ARHGEF1: variants seen among roughly 807,000 people sequenced by gnomAD.
The protein encoded by ARHGEF1 is Rho guanine nucleotide exchange factor 1, also known as 115 kDa guanine nucleotide exchange factor.
A neutral mutation model predicts 119.7 loss-of-function variants in ARHGEF1; 40 were observed. That is an observed-to-expected ratio of 0.33 (90% CI 0.26 to 0.44). The LOEUF is 0.44. Among genes scored for constraint, ARHGEF1 ranks in the 20% least tolerant of loss-of-function variants. The probability of loss-of-function intolerance (pLI) is 1.00; values close to 1 mark genes in which losing one functional copy is unlikely to be tolerated. For missense variants in ARHGEF1, 976 were observed against 1,268.3 expected, an observed-to-expected ratio of 0.77 and a Z score of 3.50; for synonymous variants, 494 against 521.0, an observed-to-expected ratio of 0.95 and a Z score of 0.71.
At chr19:41,910,482 T>TCTC (rs2074745596), downstream of ARHGEF1, among the ~76,000 whole-genome samples, 1 of 151,536 alleles carries the variant, frequency 6.6e-6, no homozygotes, top group African/African-American at 2.4e-5. The surrounding 1 kb of genome is among the most constrained non-coding windows in gnomAD (Gnocchi z 4.4). Context: ...CCCTAGGAGG[T>TCTC]CTCTAGTCTC....
intron 11 of ARHGEF1, 133 bp from the exon 12 acceptor site, chr19:41,895,216 T>C (rs1437694187): frequency 1.6e-6 from 2 of 1,236,426 alleles, no homozygotes; most frequent in East Asian, 4.8e-5. Flanking sequence ...TGAGGGCTCC[T>C]GGGTCTGAGG....
chr19:41,902,144 C>T lies in ARHGEF1; in HGVS notation c.1414+111C>T. The T allele has an allele frequency of 1.3e-6, 2 of 1,554,752 alleles. No homozygotes were observed. The highest frequency in any genetic ancestry group is 1.8e-6 in the Non-Finnish European group (2 of 1,139,846). Reference sequence around the variant, plus strand: ...CCCCAGGGTTCACATGGGGTGGGGGCAGATACGCCATCCGGTCCCGAGGAT... The same window carrying T: ...CCCCAGGGTTCACATGGGGTGGGGGTAGATACGCCATCCGGTCCCGAGGAT... On this transcript the variant is annotated intron_variant, in intron 15 of 28. Transcript: ENST00000354532. This position sits in a 1 kb window ranked among gnomAD's most constrained non-coding sequence, Gnocchi z 6.5.
In ARHGEF1 at chr19:41,916,480, TACAC is replaced by T. The variant is rs782257526; in HGVS notation, c.1866-6608_1866-6605del. ...AAACAGACACACAGTTTTACACAAA[TACAC>T]ACATGACACATCAATTCAATCTCAC... On this transcript the variant is annotated intron_variant, in intron 18 of 20. Transcript: ENST00000599589. The surrounding 1 kb of genome is among the most constrained non-coding windows in gnomAD (Gnocchi z 5.4). Among the ~76,000 whole-genome samples, 24 of 151,156 alleles carry T rather than the reference TACAC, an allele frequency of 1.6e-4. 1 individual carries two copies. Among genetic ancestry groups the T allele is most frequent in the Non-Finnish European group, 2.5e-4 (17 of 67,812 alleles).
chr19:41,903,025 C>T lies in ARHGEF1; in HGVS notation c.1738+127C>T. 1.2e-6 allele frequency: 1 copy of T among 810,092 alleles called. No homozygotes were observed. The highest frequency in any genetic ancestry group is 1.7e-5 in the African/African-American group (1 of 57,574). 50.2% of individuals were successfully genotyped at this position (810,092 alleles called of 1,614,324 possible). Reference sequence around the variant, plus strand: ...CCTCAACCTCCCAGGATCTACCATCCTCCCACCTCAGCTCCCCAAGTAGCT... The same window carrying T: ...CCTCAACCTCCCAGGATCTACCATCTTCCCACCTCAGCTCCCCAAGTAGCT... On this transcript the variant is annotated intron_variant, in intron 18 of 28. Transcript: ENST00000354532. This position sits in a 1 kb window ranked among gnomAD's most constrained non-coding sequence, Gnocchi z 4.2.
chr19:41,919,160 G>C (rs535089054), upstream of ARHGEF1, among the ~76,000 whole-genome samples: 3 of 151,478 alleles, frequency 2.0e-5, no homozygotes, highest in South Asian at 6.3e-4. Flanking sequence ...CACACCACTC[G>C]CAGCTTACTA....
chr19:41,918,913 C>T (rs923533880), upstream of ARHGEF1, among the ~76,000 whole-genome samples: 4 of 150,770 alleles, frequency 2.7e-5, no homozygotes, highest in Admixed American at 2.0e-4. Context: ...CACACATACA[C>T]CACACACACA....
At position 41,894,123 on chromosome 19, in the gene ARHGEF1, A is replaced by AGTGTGTGTGTGAGTGTGTGTGT. The variant is rs2074432252; in HGVS notation, c.645-72_645-51dup. 3 of 650,754 alleles carry AGTGTGTGTGTGAGTGTGTGTGT rather than the reference A, an allele frequency of 4.6e-6. No individual in the cohort carries two copies. In the African/African-American group the frequency reaches 1.0e-4, roughly 22 times the overall value. The allele number at this position is 650,754 out of a possible 1,614,324, so 40.3% of individuals were successfully genotyped here. ...TCTGCCTCTAGGGGGAGAGAGAGAG[A>AGTGTGTGTGTGAGTGTGTGTGT]GTGTGTGTGTGAGTGTGTGTGTGTG... is the stretch of plus-strand genomic sequence containing the variant. On this transcript the variant is annotated intron_variant, in intron 8 of 28. Transcript: ENST00000354532.
chr19:41,907,196 TG>T lies in ARHGEF1; in HGVS notation c.*110del. On this transcript the variant is annotated 3_prime_UTR_variant, in exon 29 of 29. Coordinates refer to ENST00000354532, the MANE Select transcript of ARHGEF1 (RefSeq NM_004706.4). ...CGCAGCATCTCACACCCCGAGGGCC[TG>T]AGGAGAGGGAGCTGTGGGCCACGCC... 13 of 1,522,606 alleles carry T rather than the reference TG, an allele frequency of 8.5e-6. No individual in the cohort carries two copies. The highest frequency in any genetic ancestry group is 1.1e-5 in the Non-Finnish European group (12 of 1,141,088). The allele number at this position is 1,522,606 out of a possible 1,614,324, so 94.3% of individuals were successfully genotyped here.
chr19:41,898,822 C>T (rs2074554511), intron 14 of ARHGEF1, among the ~76,000 whole-genome samples: 1 of 152,214 alleles, frequency 6.6e-6, no homozygotes, highest in African/African-American at 2.4e-5. Context: ...TAGTGCAATA[C>T]AGTGCTGATG....
chr19:41,913,917 A>C (rs782248830), intron 18 of ARHGEF1, among the ~76,000 whole-genome samples: 3 of 131,192 alleles, frequency 2.3e-5, no homozygotes, highest in African/African-American at 2.9e-5. Flanking sequence ...CCACCCTCAC[A>C]CCCCACCTCT....
At position 41,903,813 on chromosome 19, in the gene ARHGEF1, C is replaced by T. The variant is rs782137621; in HGVS notation, c.1917+29C>T. On this transcript the variant is annotated intron_variant, in intron 20 of 28. Coordinates refer to ENST00000354532, the MANE Select transcript of ARHGEF1 (RefSeq NM_004706.4). This position sits in a 1 kb window ranked among gnomAD's most constrained non-coding sequence, Gnocchi z 4.2. ...TGACCATACCCTCCTGCCTCCCCCGCCCCCCTACTCCTTGGCCCAGGGGAT... is the reference window on the plus strand; with the variant it reads ...TGACCATACCCTCCTGCCTCCCCCGTCCCCCTACTCCTTGGCCCAGGGGAT... The T allele has an allele frequency of 6.8e-6, 11 of 1,606,202 alleles. No individual in the cohort carries two copies. The Admixed American group carries it at 1.7e-4, about 24-fold the overall frequency.
chr19:41,927,011 A>G (rs1410435295), intron 1 of ARHGEF1, among the ~76,000 whole-genome samples: 1 of 152,202 alleles, frequency 6.6e-6, no homozygotes. Flanking sequence ...CGAGAAAGGA[A>G]GAGACACAGG....
upstream of ARHGEF1, among the ~76,000 whole-genome samples, chr19:41,920,659 A>G (rs191414940): frequency 1.1e-4 from 17 of 152,360 alleles, no homozygotes; most frequent in African/African-American, 4.1e-4. Flanking sequence ...GCATGTCTAC[A>G]CAGATCACAT....
upstream of ARHGEF1, among the ~76,000 whole-genome samples, chr19:41,918,412 A>C (rs1555852132): frequency 1.5e-5 from 2 of 137,526 alleles, no homozygotes; most frequent in African/African-American, 6.7e-5. Flanking sequence ...TATCACACAC[A>C]CCACACACAT....
intron 14 of ARHGEF1, among the ~76,000 whole-genome samples, chr19:41,899,209 G>C (rs1428668021): frequency 2.6e-5 from 4 of 151,856 alleles, no homozygotes; most frequent in African/African-American, 9.7e-5. Context: ...GGCTGGTCTC[G>C]AACCCTTGGG....
At chr19:41,884,008 G>A (rs1344488294) in intron 1 of ARHGEF1, among the ~76,000 whole-genome samples, 1 of 152,328 alleles carries the variant, frequency 6.6e-6, no homozygotes, top group South Asian at 2.1e-4. Context: ...GCTGGGGGTG[G>A]GAGACGGAGG....
At position 41,892,798 on chromosome 19, in the gene ARHGEF1, C is replaced by G. The variant is rs1555846558; in HGVS notation, c.563C>G (p.Ala188Gly). ...WVGRDRASYE[A>G]RERHVAERLL... The stretch of plus-strand genomic sequence containing the variant: ...GGGCGGGACCGAGCCAGCTACGAGG[C>G]CCGGGAGCGGCACGTGGCGGAGCGG... Residue 188 changes from alanine (A) to glycine (G), a missense_variant, in exon 7 of 29, where the codon GCC (alanine) becomes GGC (glycine). This residue lies in a region of ARHGEF1 where 519 missense variants were observed against 580.9 expected (regional missense o/e 0.89). Coordinates refer to ENST00000354532, the MANE Select transcript of ARHGEF1 (RefSeq NM_004706.4). This position sits in a 1 kb window ranked among gnomAD's most constrained non-coding sequence, Gnocchi z 6.3. The G allele has an allele frequency of 1.9e-6, 3 of 1,595,408 alleles. No homozygotes were observed. The South Asian group carries it at 3.3e-5, about 18-fold the overall frequency.
intron 13 of ARHGEF1, chr19:41,898,137 C>A: frequency 7.1e-7 from 1 of 1,401,794 alleles, no homozygotes; most frequent in South Asian, 1.6e-5. Flanking sequence ...CTCCCTTCCC[C>A]CATCCACTAA....
intron 1 of ARHGEF1, chr19:41,923,286 G>A (rs1016803527): frequency 1.7e-5 from 7 of 405,866 alleles, no homozygotes; most frequent in Non-Finnish European, 3.0e-5. Flanking sequence ...ACAGAGCAAG[G>A]GCCAGAGACA....
Sources: allele counts gnomAD v4.1 joint callset (sites outside exome capture counted in the v4.1 genomes callset), GRCh38; gene constraint gnomAD v4.1.1; regional missense constraint gnomAD v4.1.1; non-coding constraint Gnocchi (gnomAD v3.1); transcripts MANE v1.5; gene names NCBI Gene and HGNC (gene_info 2026-07-23, HGNC 2026-07-21).